KBTBD13: variants seen among roughly 807,000 people sequenced by gnomAD.
KBTBD13 encodes kelch repeat and BTB domain-containing protein 13.
Under a neutral mutation model 25.4 loss-of-function variants are expected in KBTBD13, and 32 were observed. The ratio of observed to expected loss-of-function variants is 1.26; its 90% CI spans 0.95 to 1.69. KBTBD13 has a LOEUF of 1.69. Ranked by LOEUF, KBTBD13 falls within the 40% of genes most tolerant of loss-of-function variation. The pLI, the probability that KBTBD13 is intolerant of heterozygous loss-of-function variation, is 0.00. For synonymous variants in KBTBD13, 436 were observed against 329.8 expected, an observed-to-expected ratio of 1.32 and a Z score of -3.49; for missense variants, 898 against 679.5, an observed-to-expected ratio of 1.32 and a Z score of -3.57.
At position 65,077,554 on chromosome 15, in the gene KBTBD13, C is replaced by A. The variant is rs1187855959; in HGVS notation, c.739C>A (p.Pro247Thr). 4 of 1,542,242 alleles carry A rather than the reference C, an allele frequency of 2.6e-6. No individual in the cohort carries two copies. In the East Asian group the frequency reaches 7.3e-5, roughly 28 times the overall value. ...GCACGAGTTCCCCAGCCCGCACCAG[C>A]CGCGCTATGACACAGCGCTGGCCGG... ...TWHEFPSPHQ[P>T]RYDTALAGFD... The change falls in exon 1 of 1, where the codon CCG becomes ACG. Residue 247 changes from proline to threonine, a missense_variant. Pro to Thr is a conservative substitution (Grantham distance 38). Transcript: ENST00000432196.
rs992471402 is a variant in KBTBD13 at position 65,079,515 on chromosome 15, A to T, written c.*1323A>T. The stretch of plus-strand genomic sequence containing the variant: ...GACTTCCCTGTCCCAGATTAAAATG[A>T]TGATGCCTTGAAAGAACCCAGGCTA... On this transcript the variant is annotated 3_prime_UTR_variant, in exon 1 of 1. Transcript: ENST00000432196. 1.3e-5 allele frequency among the ~76,000 whole-genome samples: 2 copies of T among 152,186 alleles called. No individual in the cohort carries two copies. The highest frequency in any genetic ancestry group is 2.4e-5 in the African/African-American group (1 of 41,442).
Position 65,078,133 on chromosome 15 carries a change from C to T in KBTBD13, c.1318C>T (p.Leu440Phe), listed in dbSNP as rs1187674618. The change falls in exon 1 of 1, where the codon CTC becomes TTC. Residue 440 changes from leucine to phenylalanine, a missense_variant. Transcript: ENST00000432196. ...FPRPGSLQTF[L>F]LRLPPGAPGP... is the part of the protein sequence containing the mutation. ...GCGGCCCGGCTCCTTGCAGACCTTT[C>T]TCCTAAGGCTGCCTCCTGGCGCTCC... 1.9e-6 allele frequency: 3 copies of T among 1,555,720 alleles called. No individual in the cohort carries two copies. Among genetic ancestry groups the T allele is most frequent in the South Asian group, 2.3e-5 (2 of 85,306 alleles).
At position 65,077,658 on chromosome 15, in the gene KBTBD13, C is replaced by G. The variant is rs2086997097; in HGVS notation, c.843C>G (p.Ala281=). 6.3e-7 allele frequency: 1 copy of G among 1,588,676 alleles called. No homozygotes were observed. Among genetic ancestry groups the G allele is most frequent in the Non-Finnish European group, 8.5e-7 (1 of 1,172,894 alleles). Reference sequence around the variant, plus strand: ...GCTCCGTGGAGCGCTACGACCCAGCCGCGGGCTGCTGGAGTTTCGTGGCCG... The same window carrying G: ...GCTCCGTGGAGCGCTACGACCCAGCGGCGGGCTGCTGGAGTTTCGTGGCCG... ...PISSVERYDP[A]AGCWSFVADL... Residue 281 remains alanine, a synonymous_variant, in exon 1 of 1, where the codon GCC becomes GCG. Transcript: ENST00000432196.
chr15:65,077,031 G>A lies in KBTBD13; in HGVS notation c.216G>A (p.Leu72=), dbSNP rs1390816237. The A allele has an allele frequency of 6.7e-7, 1 of 1,498,688 alleles. No individual in the cohort carries two copies. The highest frequency in any genetic ancestry group is 8.9e-7 in the Non-Finnish European group (1 of 1,126,922). The allele number at this position is 1,498,688 out of a possible 1,614,324, so 92.8% of individuals were successfully genotyped here. A position where few individuals can be genotyped will look rare whatever the true frequency, so the allele number is the denominator to read the frequency against. The change falls in exon 1 of 1, where the codon CTG becomes CTA. Residue 72 remains leucine, a synonymous_variant. Coordinates refer to ENST00000432196, the MANE Select transcript of KBTBD13 (RefSeq NM_001101362.3). The part of the protein sequence containing the change: ...LQVLRGDRPA[L]AAEDELLQAV... Reference sequence around the variant, plus strand: ...TGCTGCGCGGCGACCGGCCGGCGCTGGCGGCGGAGGACGAGCTGCTGCAGG... The same window carrying A: ...TGCTGCGCGGCGACCGGCCGGCGCTAGCGGCGGAGGACGAGCTGCTGCAGG...
chr15:65,076,783 C>T lies in KBTBD13; in HGVS notation c.-33C>T. 2 of 1,488,500 alleles carry T rather than the reference C, an allele frequency of 1.3e-6. No individual in the cohort carries two copies. Among genetic ancestry groups the T allele is most frequent in the Non-Finnish European group, 1.8e-6 (2 of 1,119,704 alleles). The allele number at this position is 1,488,500 out of a possible 1,614,324, so 92.2% of individuals were successfully genotyped here. On this transcript the variant is annotated 5_prime_UTR_variant, in exon 1 of 1. Transcript: ENST00000432196. ...GAGTTGGTGGCTGGCTAACCCAAGG[C>T]CCCAGCGGCAGCCTCCGCCCGGCCA...
At position 65,077,351 on chromosome 15, in the gene KBTBD13, A is replaced by T; in HGVS notation, c.536A>T (p.Tyr179Phe). ...GAGGACGCCTCGCGCACGCTGTGTT[A>T]CCTGGACGAGGAAGAGGACGCGTGG... ...FLEDASRTLC[Y>F]LDEEEDAWRT... is the part of the protein sequence containing the mutation. Residue 179 changes from tyrosine to phenylalanine, a missense_variant, in exon 1 of 1, where the codon TAC (tyrosine) becomes TTC (phenylalanine). Transcript: ENST00000432196. The T allele has an allele frequency of 6.7e-7, 1 of 1,492,594 alleles. No individual in the cohort carries two copies. The allele number at this position is 1,492,594 out of a possible 1,614,324, so 92.5% of individuals were successfully genotyped here. A position where few individuals can be genotyped will look rare whatever the true frequency, so the allele number is the denominator to read the frequency against.
rs750324895 is a variant in KBTBD13, at chr15:65,078,215, G to A, written c.*23G>A. The A allele has an allele frequency of 5.2e-5, 79 of 1,530,002 alleles. No individual in the cohort carries two copies. Among genetic ancestry groups the A allele is most frequent in the Non-Finnish European group, 6.8e-5 (78 of 1,141,964 alleles). 94.8% of individuals were successfully genotyped at this position (1,530,002 alleles called of 1,614,324 possible). A position where few individuals can be genotyped will look rare whatever the true frequency, so the allele number is the denominator to read the frequency against. The stretch of plus-strand genomic sequence containing the variant: ...TGACCTCTGGGCTGGCTTTAGGAGG[G>A]AGGAGACGCCGCGACTCCTCCCTGA... On this transcript the variant is annotated 3_prime_UTR_variant, in exon 1 of 1. Coordinates refer to ENST00000432196, the MANE Select transcript of KBTBD13 (RefSeq NM_001101362.3).
rs1408100715 is a variant in KBTBD13, at chr15:65,078,433, G to A, written c.*241G>A. 6.6e-6 allele frequency among the ~76,000 whole-genome samples: 1 copy of A among 152,182 alleles called. No homozygotes were observed. The highest frequency in any genetic ancestry group is 6.5e-5 in the Admixed American group (1 of 15,276). On this transcript the variant is annotated 3_prime_UTR_variant, in exon 1 of 1. Coordinates refer to ENST00000432196, the MANE Select transcript of KBTBD13 (RefSeq NM_001101362.3). ...CACAATGTCAGTGAACAGGGTAGGG[G>A]GAGTTGGGATTTGAATAATCCGGGC...
chr15:65,076,799 C>T lies in KBTBD13; in HGVS notation c.-17C>T, dbSNP rs372844012. On this transcript the variant is annotated 5_prime_UTR_variant, in exon 1 of 1. Transcript: ENST00000432196. ...AACCCAAGGCCCCAGCGGCAGCCTC[C>T]GCCCGGCCAGCTCGCCATGGCACGG... The T allele has an allele frequency of 2.1e-4, 309 of 1,505,674 alleles. 3 individuals are homozygous for T. The East Asian group carries it at 4.4e-3, about 22-fold the overall frequency. The allele number at this position is 1,505,674 out of a possible 1,614,324, so 93.3% of individuals were successfully genotyped here.
At position 65,077,371 on chromosome 15, in the gene KBTBD13, G is replaced by A. The variant is rs763643640; in HGVS notation, c.556G>A (p.Ala186Thr). 1.3e-6 allele frequency: 2 copies of A among 1,509,800 alleles called. No individual in the cohort carries two copies. Among genetic ancestry groups the A allele is most frequent in the Non-Finnish European group, 1.8e-6 (2 of 1,130,480 alleles). The allele number at this position is 1,509,800 out of a possible 1,614,324, so 93.5% of individuals were successfully genotyped here. A position where few individuals can be genotyped will look rare whatever the true frequency, so the allele number is the denominator to read the frequency against. Residue 186 changes from alanine to threonine, a missense_variant, in exon 1 of 1, where the codon GCG (alanine) becomes ACG (threonine). Transcript: ENST00000432196. The stretch of plus-strand genomic sequence containing the variant: ...GTGTTACCTGGACGAGGAAGAGGAC[G>A]CGTGGCGCACGCTGGCTGCGCTGCC... ...TLCYLDEEED[A>T]WRTLAALPLE...
chr15:65,079,384 C>G lies in KBTBD13; in HGVS notation c.*1192C>G, dbSNP rs542156760. On this transcript the variant is annotated 3_prime_UTR_variant, in exon 1 of 1. Transcript: ENST00000432196. ...TCACCCAGCTCTTCGTTTTCCTGAC[C>G]TGGGCTGCCTGCATTGCTCATTGGA... 7.9e-5 allele frequency among the ~76,000 whole-genome samples: 12 copies of G among 152,324 alleles called. No individual in the cohort carries two copies. The East Asian group carries it at 2.3e-3, about 29-fold the overall frequency.
rs1338513996 is a variant in KBTBD13 at position 65,077,293 on chromosome 15, G to A, written c.478G>A (p.Val160Met). 1.1e-5 allele frequency: 15 copies of A among 1,401,256 alleles called. No individual in the cohort carries two copies. Among genetic ancestry groups the A allele is most frequent in the Non-Finnish European group, 1.3e-5 (14 of 1,083,394 alleles). 86.8% of individuals were successfully genotyped at this position (1,401,256 alleles called of 1,614,324 possible). The change falls in exon 1 of 1, where the codon GTG becomes ATG. Residue 160 changes from valine (V) to methionine (M), a missense_variant. Val to Met is a conservative substitution (Grantham distance 21). Transcript: ENST00000432196. Reference protein sequence around the residue: ...AALRPSSYAAVSTHTPAPGFL... With the variant: ...AALRPSSYAAMSTHTPAPGFL... ...CCTGCGGCCCAGCAGCTACGCGGCC[G>A]TGAGCACGCACACGCCCGCGCCCGG...
Position 65,078,225 on chromosome 15 carries a change from C to T in KBTBD13, c.*33C>T, listed in dbSNP as rs886051336. On this transcript the variant is annotated 3_prime_UTR_variant, in exon 1 of 1. Transcript: ENST00000432196. ...GCTGGCTTTAGGAGGGAGGAGACGC[C>T]GCGACTCCTCCCTGAGCTATGGCTG... 1.3e-6 allele frequency: 2 copies of T among 1,527,010 alleles called. No homozygotes were observed. 94.6% of individuals were successfully genotyped at this position (1,527,010 alleles called of 1,614,324 possible).
chr15:65,077,285 A>C lies in KBTBD13; in HGVS notation c.470A>C (p.Tyr157Ser). ...AYVAALRPSS[Y>S]AAVSTHTPAP... ...GTGGCGGCCCTGCGGCCCAGCAGCT[A>C]CGCGGCCGTGAGCACGCACACGCCC... The change falls in exon 1 of 1, where the codon TAC becomes TCC. Residue 157 changes from tyrosine (Y) to serine (S), a missense_variant. Transcript: ENST00000432196. The C allele has an allele frequency of 2.1e-6, 3 of 1,398,582 alleles. No homozygotes were observed. Among genetic ancestry groups the C allele is most frequent in the East Asian group, 2.9e-5 (1 of 34,956 alleles). 86.6% of individuals were successfully genotyped at this position (1,398,582 alleles called of 1,614,324 possible).
At position 65,078,154 on chromosome 15, in the gene KBTBD13, G is replaced by C; in HGVS notation, c.1339G>C (p.Ala447Pro). The change falls in exon 1 of 1, where the codon GCT (alanine) becomes CCT (proline). Residue 447 changes from alanine to proline, a missense_variant. Coordinates refer to ENST00000432196, the MANE Select transcript of KBTBD13 (RefSeq NM_001101362.3). The part of the protein sequence containing the change: ...QTFLLRLPPG[A>P]PGPVTSTTAE... ...CTTTCTCCTAAGGCTGCCTCCTGGCGCTCCTGGGCCTGTGACTTCGACAAC... is the reference window on the plus strand; with the variant it reads ...CTTTCTCCTAAGGCTGCCTCCTGGCCCTCCTGGGCCTGTGACTTCGACAAC... 6.5e-7 allele frequency: 1 copy of C among 1,545,986 alleles called. No homozygotes were observed. Among genetic ancestry groups the C allele is most frequent in the South Asian group, 1.2e-5 (1 of 84,532 alleles).
rs767990371 is a variant in KBTBD13, at chr15:65,077,544, C to G, written c.729C>G (p.Ser243Arg). The G allele has an allele frequency of 2.0e-4, 308 of 1,536,592 alleles. No individual in the cohort carries two copies. Among genetic ancestry groups the G allele is most frequent in the Non-Finnish European group, 2.5e-4 (289 of 1,145,314 alleles). The change falls in exon 1 of 1, where the codon AGC becomes AGG. Residue 243 changes from serine to arginine, a missense_variant. Ser to Arg is a moderately radical substitution (Grantham distance 110). Transcript: ENST00000432196. ...PDGGTWHEFP[S>R]PHQPRYDTAL... is the part of the protein sequence containing the mutation. Reference sequence around the variant, plus strand: ...GCGGCACGTGGCACGAGTTCCCCAGCCCGCACCAGCCGCGCTATGACACAG... The same window carrying G: ...GCGGCACGTGGCACGAGTTCCCCAGGCCGCACCAGCCGCGCTATGACACAG...
rs1215282571 is a variant in KBTBD13 at position 65,076,849 on chromosome 15, T to TG, written c.37dup (p.Val13GlyfsTer132). 6.4e-7 allele frequency: 1 copy of TG among 1,560,418 alleles called. No individual in the cohort carries two copies. Among genetic ancestry groups the TG allele is most frequent in the Non-Finnish European group, 8.6e-7 (1 of 1,160,634 alleles). On this transcript the variant is annotated frameshift_variant, in exon 1 of 1. Transcript: ENST00000432196. LOFTEE classifies it high-confidence loss of function. Reference sequence around the variant, plus strand: ...GGGTCCACAGACCCTGGTGCAGGTGTGGGTGGGCGGCCAGCTCTTCCAAGC... The same window carrying TG: ...GGGTCCACAGACCCTGGTGCAGGTGTGGGGTGGGCGGCCAGCTCTTCCAAGC...
rs1339316249 is a variant in KBTBD13 at position 65,077,492 on chromosome 15, A to G, written c.677A>G (p.Glu226Gly). The change falls in exon 1 of 1, where the codon GAG becomes GGG. Residue 226 changes from glutamate to glycine, a missense_variant. Glu to Gly is a moderately conservative substitution (Grantham distance 98). Coordinates refer to ENST00000432196, the MANE Select transcript of KBTBD13 (RefSeq NM_001101362.3). ...GVRGASKEVV[E>G]LGFCYDPDGG... ...CGCGGCGCCAGCAAGGAGGTGGTAG[A>G]GCTGGGCTTCTGCTACGACCCCGAC... 2.6e-6 allele frequency: 4 copies of G among 1,525,370 alleles called. No homozygotes were observed. The South Asian group carries it at 4.8e-5, about 18-fold the overall frequency. The allele number at this position is 1,525,370 out of a possible 1,614,324, so 94.5% of individuals were successfully genotyped here.
rs1343139084 is a variant in KBTBD13 at position 65,077,036 on chromosome 15, C to T, written c.221C>T (p.Ala74Val). Residue 74 changes from alanine to valine, a missense_variant, in exon 1 of 1, where the codon GCG becomes GTG. Physicochemically the swap from Ala to Val is moderately conservative, Grantham distance 64. Coordinates refer to ENST00000432196, the MANE Select transcript of KBTBD13 (RefSeq NM_001101362.3). ...CGCGGCGACCGGCCGGCGCTGGCGG[C>T]GGAGGACGAGCTGCTGCAGGCCGTG... ...VLRGDRPALAAEDELLQAVEC... is the reference protein window; with the variant it reads ...VLRGDRPALAVEDELLQAVEC... 6.0e-6 allele frequency: 9 copies of T among 1,498,320 alleles called. No individual in the cohort carries two copies. The highest frequency in any genetic ancestry group is 1.9e-4 in the Middle Eastern group (1 of 5,398). The allele number at this position is 1,498,320 out of a possible 1,614,324, so 92.8% of individuals were successfully genotyped here. A position where few individuals can be genotyped will look rare whatever the true frequency, so the allele number is the denominator to read the frequency against.
Sources: gnomAD v4.1 joint callset for allele counts (sites outside exome capture counted in the v4.1 genomes callset) on GRCh38, gnomAD v4.1.1 for gene constraint, MANE v1.5 for transcripts, NCBI Gene and HGNC (gene_info 2026-07-23, HGNC 2026-07-21) for gene names.